The following KCNAB1 variants were observed in gnomAD, a reference collection of about 807,000 sequenced individuals.
KCNAB1 encodes potassium voltage-gated channel subfamily A regulatory beta subunit 1.
Under a neutral mutation model 64.6 loss-of-function variants are expected in KCNAB1, and 35 were observed. That is an observed-to-expected ratio of 0.54 (90% confidence interval 0.41 to 0.72). The LOEUF (loss-of-function observed/expected upper bound fraction) is 0.72. KCNAB1 is among the 30% of genes least tolerant of loss of function. The probability of loss-of-function intolerance (pLI) is 0.00; values close to 1 mark genes in which losing one functional copy is unlikely to be tolerated. For synonymous variants in KCNAB1, 177 were observed against 183.8 expected (o/e 0.96, Z 0.30); for missense variants, 401 against 512.9 (o/e 0.78, Z 2.11).
intron 2 of KCNAB1, among the ~76,000 whole-genome samples, chr3:156,432,914 C>T (rs1219794319): frequency 6.6e-6 from 1 of 152,152 alleles, no homozygotes; most frequent in Non-Finnish European, 1.5e-5. Context: ...ACAGCAGTCC[C>T]CCTCCTTTTC....
At chr3:156,515,509 G>A (rs916894257) in intron 10 of KCNAB1, among the ~76,000 whole-genome samples, 3 of 151,954 alleles carry the variant, frequency 2.0e-5, no homozygotes, top group African/African-American at 7.3e-5. Context: ...TGAATAAAAG[G>A]AACAACCAAT....
chr3:156,501,524 G>A (rs1011125679), intron 8 of KCNAB1, among the ~76,000 whole-genome samples: 4 of 147,668 alleles, frequency 2.7e-5, no homozygotes, highest in East Asian at 2.0e-4. Flanking sequence ...CTCTGCCTGC[G>A]AGGTTCAAGG....
At chr3:156,348,853 A>G (rs1283200130) in intron 1 of KCNAB1, among the ~76,000 whole-genome samples, 1 of 152,214 alleles carries the variant, frequency 6.6e-6, no homozygotes, top group Non-Finnish European at 1.5e-5. Flanking sequence ...CCAAAAGCTC[A>G]GCTGAATAAT....
At chr3:156,536,354 AG>A (rs1411427136) in intron 13 of KCNAB1, among the ~76,000 whole-genome samples, 1 of 152,240 alleles carries the variant, frequency 6.6e-6, no homozygotes, top group Non-Finnish European at 1.5e-5. Flanking sequence ...GTTCTTTTTA[AG>A]GTATCTAATA....
At chr3:156,120,959 T>G in intron 1 of KCNAB1, 73 bp downstream of exon 1, 3 of 1,547,980 alleles carry the variant, frequency 1.9e-6, no homozygotes. Context: ...CTTTGATTTC[T>G]TTTCCTCTGC....
intron 1 of KCNAB1, among the ~76,000 whole-genome samples, chr3:156,197,626 G>A (rs1270887896): frequency 1.3e-5 from 2 of 152,124 alleles, no homozygotes; most frequent in African/African-American, 4.8e-5. Flanking sequence ...TGGTATTTCT[G>A]TGGGACCAGT....
At chr3:156,343,296 A>G (rs1157896861) in intron 1 of KCNAB1, among the ~76,000 whole-genome samples, 3 of 152,218 alleles carry the variant, frequency 2.0e-5, no homozygotes, top group Admixed American at 6.5e-5. Flanking sequence ...TGGATTCTGT[A>G]TTCCTAATCA....
At chr3:156,468,916 C>T (rs187197228) in intron 7 of KCNAB1, among the ~76,000 whole-genome samples, 1 of 152,372 alleles carries the variant, frequency 6.6e-6, no homozygotes, top group East Asian at 1.9e-4. Flanking sequence ...AGCATTCCTG[C>T]TCCAGCATTT....
At chr3:156,465,792 T>C (rs529930414) in intron 7 of KCNAB1, 106 bp downstream of exon 7, 40 of 906,984 alleles carry the variant, frequency 4.4e-5, no homozygotes, top group Admixed American at 3.2e-4. Context: ...AAGTTCTATA[T>C]GAAAAGTGCC....
At chr3:156,313,887 G>T (rs1722100942) in intron 1 of KCNAB1, among the ~76,000 whole-genome samples, 1 of 152,212 alleles carries the variant, frequency 6.6e-6, no homozygotes, top group Non-Finnish European at 1.5e-5. Flanking sequence ...ACCAGAGTGT[G>T]GCGTGAAATT....
At chr3:156,148,330 A>G (rs1232143442) in intron 1 of KCNAB1, among the ~76,000 whole-genome samples, 1 of 152,208 alleles carries the variant, frequency 6.6e-6, no homozygotes, top group Non-Finnish European at 1.5e-5. Context: ...CTTGAGGATG[A>G]GGACTAAAAC....
Position 156,424,074 on chromosome 3 carries a change from A to G in KCNAB1, c.319+2415A>G, listed in dbSNP as rs147353772. Reference sequence around the variant, plus strand: ...TGGTGGAGATTGTATCGAAGACAAGATCAGTGAAGGAGAGAAGGTTAAGAA... The same window carrying G: ...TGGTGGAGATTGTATCGAAGACAAGGTCAGTGAAGGAGAGAAGGTTAAGAA... On this transcript the variant is annotated intron_variant, in intron 2 of 13. Coordinates refer to ENST00000490337, the MANE Select transcript of KCNAB1 (RefSeq NM_172160.3). Among the ~76,000 whole-genome samples, 3 of 152,284 alleles carry G rather than the reference A, an allele frequency of 2.0e-5. No homozygotes were observed. The East Asian group carries it at 5.8e-4, about 29-fold the overall frequency.
chr3:156,454,322 A>C (rs1214332048), intron 3 of KCNAB1, among the ~76,000 whole-genome samples: 2 of 152,186 alleles, frequency 1.3e-5, no homozygotes, highest in Admixed American at 1.3e-4. Context: ...GGGGATCTCC[A>C]AAGCTGAGAT....
At chr3:156,314,995 CAGA>C (rs1176441150) in intron 1 of KCNAB1, among the ~76,000 whole-genome samples, 1 of 152,088 alleles carries the variant, frequency 6.6e-6, no homozygotes, top group Non-Finnish European at 1.5e-5. Flanking sequence ...ACCTGGGTGA[CAGA>C]AGGAGACTCC....
intron 1 of KCNAB1, among the ~76,000 whole-genome samples, chr3:156,214,820 G>A (rs919706955): frequency 2.0e-5 from 3 of 152,146 alleles, no homozygotes; most frequent in African/African-American, 7.2e-5. Flanking sequence ...AATAAAGGTT[G>A]AAACATTCAT....
intron 1 of KCNAB1, among the ~76,000 whole-genome samples, chr3:156,308,046 G>GAT (rs967120988): frequency 6.6e-6 from 1 of 152,252 alleles, no homozygotes; most frequent in Non-Finnish European, 1.5e-5. Flanking sequence ...GTCAGGAGGT[G>GAT]ATACCTGCTA....
intron 3 of KCNAB1, among the ~76,000 whole-genome samples, chr3:156,456,315 T>C (rs1335830531): frequency 6.6e-6 from 1 of 152,184 alleles, no homozygotes; most frequent in Non-Finnish European, 1.5e-5. Flanking sequence ...TATCCAATAA[T>C]ATACCAGTAT....
chr3:156,535,995 C>G (rs1022028780), intron 13 of KCNAB1, among the ~76,000 whole-genome samples: 2 of 152,216 alleles, frequency 1.3e-5, no homozygotes, highest in Non-Finnish European at 2.9e-5. Flanking sequence ...ATCCCCACAC[C>G]TACACCAATC....
chr3:156,118,371 A>T (rs1713172435), upstream of KCNAB1: 1 of 453,194 alleles, frequency 2.2e-6, no homozygotes, highest in African/African-American at 2.0e-5. Flanking sequence ...TGAACATCTC[A>T]AGAGTGGTGG....
Sources: gnomAD v4.1 joint callset for allele counts (sites outside exome capture counted in the v4.1 genomes callset) on GRCh38, gnomAD v4.1.1 for gene constraint, MANE v1.5 for transcripts, NCBI Gene and HGNC (gene_info 2026-07-23, HGNC 2026-07-21) for gene names.